Variants in NDEL1 observed in about 807,000 individuals in gnomAD.
NDEL1 encodes the protein nuclear distribution protein nudE-like 1.
NDEL1 carries 9 observed loss-of-function variants against 45.7 expected under a neutral mutation model. That is an observed-to-expected ratio of 0.20 (90% CI 0.12 to 0.34). The LOEUF is 0.34. Ranked by LOEUF, NDEL1 falls within the 10% of genes least tolerant of loss-of-function variation. NDEL1 has a pLI of 1.00. For synonymous variants in NDEL1, 133 were observed against 158.6 expected (o/e 0.84, Z 1.21); for missense variants, 306 against 406.2 (o/e 0.75, Z 2.12).
At chr17:8,424,977 G>A (rs747797894) in intron 1 of NDEL1, among the ~76,000 whole-genome samples, 27 of 152,258 alleles carry the variant, frequency 1.8e-4, no homozygotes, top group South Asian at 4.1e-4. Flanking sequence ...GAGGTTCCAC[G>A]TTTCTAAGTG....
intron 4 of NDEL1, among the ~76,000 whole-genome samples, chr17:8,448,238 T>C (rs938119496): frequency 6.6e-6 from 1 of 152,228 alleles, no homozygotes; most frequent in Admixed American, 6.5e-5. Flanking sequence ...AAAGTTTTCT[T>C]TCTGAAAATG....
In NDEL1 at chr17:8,446,832, A is replaced by T. The variant is rs1224442510; in HGVS notation, c.319A>T (p.Ile107Phe). Reference sequence around the variant, plus strand: ...AGATGATTTAAGTCAGACTCGGGCCATTAAGGAGCAGTTGCATAAGTATGT... The same window carrying T: ...AGATGATTTAAGTCAGACTCGGGCCTTTAAGGAGCAGTTGCATAAGTATGT... ...LEDDLSQTRA[I>F]KEQLHKYVRE... Residue 107 changes from isoleucine (I) to phenylalanine (F), a missense_variant, in exon 4 of 9, where the codon ATT becomes TTT. Physicochemically the swap from Ile to Phe is conservative, Grantham distance 21 (BLOSUM62 0). This residue lies in a region of NDEL1 where 112 missense variants were observed against 148.3 expected (regional missense o/e 0.76). Coordinates refer to ENST00000334527, the MANE Select transcript of NDEL1 (RefSeq NM_030808.5). 1 of 1,614,116 alleles carries T rather than the reference A, an allele frequency of 6.2e-7. No individual in the cohort carries two copies. The highest frequency in any genetic ancestry group is 1.7e-5 in the Admixed American group (1 of 60,008).
At chr17:8,470,807 G>T (rs1911815816), downstream of NDEL1, among the ~76,000 whole-genome samples, 1 of 152,214 alleles carries the variant, frequency 6.6e-6, no homozygotes, top group Non-Finnish European at 1.5e-5. This position sits in a 1 kb window ranked among gnomAD's most constrained non-coding sequence, Gnocchi z 4.2. Flanking sequence ...ACGAGCGGCG[G>T]GGCCGGCACA....
At chr17:8,431,380 AGC>A (rs1908995473), upstream of NDEL1, 2 of 152,360 alleles carry the variant, frequency 1.3e-5, no homozygotes, top group Non-Finnish European at 2.9e-5. Context: ...CTTGAGTTTA[AGC>A]CCTAGCTCCT....
intron 8 of NDEL1, among the ~76,000 whole-genome samples, chr17:8,463,708 G>T (rs983100869): frequency 2.0e-5 from 3 of 152,220 alleles, no homozygotes; most frequent in Non-Finnish European, 4.4e-5. Context: ...GTCTTCCTGG[G>T]ACTGGGGGTC....
chr17:8,428,070 G>T (rs1908884329), intron 1 of NDEL1, among the ~76,000 whole-genome samples: 1 of 152,082 alleles, frequency 6.6e-6, no homozygotes, highest in African/African-American at 2.4e-5. Context: ...CTTTGCCATG[G>T]TTGTTTTTCT....
At chr17:8,423,659 G>A (rs1487796787) in intron 1 of NDEL1, among the ~76,000 whole-genome samples, 1 of 152,132 alleles carries the variant, frequency 6.6e-6, no homozygotes, top group East Asian at 1.9e-4. Context: ...ACTCCAGTCT[G>A]GGTGACAGAG....
chr17:8,446,043 T>G, intron 3 of NDEL1, 179 bp downstream of exon 3: 1 of 502,338 alleles, frequency 2.0e-6, no homozygotes, highest in Middle Eastern at 4.8e-4. Context: ...GGTTTAGAGT[T>G]TAGGAGTTCA....
At chr17:8,433,210 T>C (rs1453047152), upstream of NDEL1, among the ~76,000 whole-genome samples, 5 of 152,188 alleles carry the variant, frequency 3.3e-5, no homozygotes, top group East Asian at 5.8e-4. Flanking sequence ...TTGCCACCCA[T>C]TGGGTGGAAA....
chr17:8,414,523 C>T (rs539263930), intron 1 of NDEL1, among the ~76,000 whole-genome samples: 10 of 152,208 alleles, frequency 6.6e-5, no homozygotes, highest in African/African-American at 2.2e-4. Flanking sequence ...AAAAATTAGC[C>T]GGGCGTGGTG....
At chr17:8,452,950 GCCAGT>G (rs1910613650) in intron 6 of NDEL1, among the ~76,000 whole-genome samples, 1 of 151,780 alleles carries the variant, frequency 6.6e-6, no homozygotes, top group Non-Finnish European at 1.5e-5. Context: ...TGTTGGTCAG[GCCAGT>G]CTCAAACTCC....
At chr17:8,454,737 CA>C (rs1396864661) in intron 6 of NDEL1, 58 bp from the exon 7 acceptor site, 1 of 1,361,120 alleles carries the variant, frequency 7.3e-7, no homozygotes. Flanking sequence ...ACATCAACAA[CA>C]AAACCCAAAT....
intron 1 of NDEL1, among the ~76,000 whole-genome samples, chr17:8,416,385 TG>T (rs1908545969): frequency 6.6e-6 from 1 of 152,248 alleles, no homozygotes; most frequent in African/African-American, 2.4e-5. Flanking sequence ...TGATAGGTTT[TG>T]ACTATCTGGA....
intron 1 of NDEL1, among the ~76,000 whole-genome samples, chr17:8,426,978 G>A (rs925563262): frequency 2.6e-5 from 4 of 152,106 alleles, no homozygotes; most frequent in Admixed American, 1.3e-4. Context: ...TACACCTGGC[G>A]GCCTGCACAA....
chr17:8,448,721 T>G, intron 5 of NDEL1, 35 bp downstream of exon 5: 1 of 1,575,250 alleles, frequency 6.3e-7, no homozygotes, highest in Admixed American at 1.8e-5. Context: ...CAGTTGACCC[T>G]TGAACAACAT....
At chr17:8,436,214 T>C in intron 1 of NDEL1, 169 bp downstream of exon 1, 1 of 225,104 alleles carries the variant, frequency 4.4e-6, no homozygotes, top group South Asian at 4.4e-5. Flanking sequence ...CCAACCGCTC[T>C]AACTGTCCCC....
chr17:8,431,352 G>A (rs1908994867), upstream of NDEL1: 1 of 152,232 alleles, frequency 6.6e-6, no homozygotes, highest in African/African-American at 2.4e-5. Flanking sequence ...CAGGCCACTG[G>A]CCTTGAAGTA....
chr17:8,417,797 T>G (rs1259583068), intron 1 of NDEL1, among the ~76,000 whole-genome samples: 1 of 152,224 alleles, frequency 6.6e-6, no homozygotes, highest in Non-Finnish European at 1.5e-5. Flanking sequence ...GACTTAACCC[T>G]GCCCTCGGAT....
chr17:8,417,103 CT>C (rs956384839), intron 1 of NDEL1, among the ~76,000 whole-genome samples: 4 of 152,006 alleles, frequency 2.6e-5, no homozygotes, highest in Non-Finnish European at 4.4e-5. Context: ...CTCTCTCTTT[CT>C]TTTTTTCTTT....
Sources: gnomAD v4.1 joint callset for allele counts (sites outside exome capture counted in the v4.1 genomes callset) on GRCh38, gnomAD v4.1.1 for gene constraint, gnomAD v4.1.1 regional missense constraint, Gnocchi (gnomAD v3.1) non-coding constraint, MANE v1.5 for transcripts, NCBI Gene and HGNC (gene_info 2026-07-23, HGNC 2026-07-21) for gene names.